The following RAMP3 variants were observed in gnomAD, a reference collection of about 807,000 sequenced individuals.
RAMP3 encodes the protein receptor activity modifying protein 3, also known as receptor activity-modifying protein 3.
RAMP3 carries 14 observed loss-of-function variants against 13.5 expected under a neutral mutation model. That is an observed-to-expected ratio of 1.04 (90% CI 0.69 to 1.63). The LOEUF (loss-of-function observed/expected upper bound fraction) is 1.63, where lower values mean the gene tolerates loss of function less well. Ranked by LOEUF, RAMP3 falls within the 40% of genes most tolerant of loss-of-function variation. RAMP3 has a pLI of 0.00. For missense variants in RAMP3, 200 were observed against 204.8 expected (o/e 0.98, Z 0.14); for synonymous variants, 106 against 88.3 (o/e 1.20, Z -1.12).
chr7:45,183,786 T>G lies in RAMP3; in HGVS notation c.*374T>G. 1 of 525,684 alleles carries G rather than the reference T, an allele frequency of 1.9e-6. No individual in the cohort carries two copies. Among genetic ancestry groups the G allele is most frequent in the Non-Finnish European group, 3.4e-6 (1 of 298,112 alleles). The allele number at this position is 525,684 out of a possible 1,614,324, so 32.6% of individuals were successfully genotyped here. ...GAATCCAGCCTAGCCTTAGCCGCAGTCTAGGCCCTGCTTGGACTAGGACTC... is the reference window on the plus strand; with the variant it reads ...GAATCCAGCCTAGCCTTAGCCGCAGGCTAGGCCCTGCTTGGACTAGGACTC... On this transcript the variant is annotated 3_prime_UTR_variant, in exon 3 of 3. Transcript: ENST00000242249.
At chr7:45,166,123 C>T (rs1296313358) in intron 1 of RAMP3, among the ~76,000 whole-genome samples, 1 of 151,890 alleles carries the variant, frequency 6.6e-6, no homozygotes, top group African/African-American at 2.4e-5. Context: ...ATTTTACATT[C>T]CAATCAGCAG....
At chr7:45,172,857 G>T (rs1402885530) in intron 1 of RAMP3, among the ~76,000 whole-genome samples, 1 of 152,132 alleles carries the variant, frequency 6.6e-6, no homozygotes, top group African/African-American at 2.4e-5. Context: ...TAAACTTGGG[G>T]TTTCCCTGGG....
At chr7:45,165,023 T>C (rs6957260) in intron 1 of RAMP3, among the ~76,000 whole-genome samples, 39,371 of 152,066 alleles carry the variant, frequency 0.26, 6,122 homozygotes, top group African/African-American at 0.43. Flanking sequence ...CTTTTCTCCT[T>C]TTCTGCCTTC....
At chr7:45,176,632 A>G (rs754811891) in intron 1 of RAMP3, among the ~76,000 whole-genome samples, 2 of 152,078 alleles carry the variant, frequency 1.3e-5, no homozygotes, top group Non-Finnish European at 2.9e-5. Context: ...GATGTTCCCC[A>G]TGGGGAAATG....
At chr7:45,162,496 G>T (rs776525423) in intron 1 of RAMP3, among the ~76,000 whole-genome samples, 12 of 152,182 alleles carry the variant, frequency 7.9e-5, no homozygotes, top group Non-Finnish European at 1.5e-4. Flanking sequence ...TGAGGCAATG[G>T]TGACATGCCA....
At chr7:45,179,967 A>G (rs1407954780) in intron 2 of RAMP3, among the ~76,000 whole-genome samples, 2 of 152,248 alleles carry the variant, frequency 1.3e-5, no homozygotes, top group African/African-American at 4.8e-5. Flanking sequence ...GGACTGTGGG[A>G]TGCAAGGACC....
At chr7:45,159,326 C>T (rs956066109) in intron 1 of RAMP3, among the ~76,000 whole-genome samples, 9 of 152,156 alleles carry the variant, frequency 5.9e-5, no homozygotes, top group African/African-American at 1.9e-4. Flanking sequence ...GGTCCCAGGC[C>T]GATGTGTCAG....
chr7:45,177,547 A>T (rs1786216801), intron 2 of RAMP3, 106 bp downstream of exon 2: 2 of 1,525,094 alleles, frequency 1.3e-6, no homozygotes, highest in African/African-American at 1.4e-5. Flanking sequence ...GGCCTCACCC[A>T]TGCCTCACCC....
chr7:45,157,854 C>T lies in RAMP3; in HGVS notation c.26C>T (p.Pro9Leu), dbSNP rs765190909. ...ATGGAGACTGGAGCGCTGCGGCGCC[C>T]GCAACTTCTCCCGTTGCTGCTGCTG... METGALRR[P>L]QLLPLLLLLC... The change falls in exon 1 of 3, where the codon CCG becomes CTG. Residue 9 changes from proline (P) to leucine (L), a missense_variant. Pro to Leu is a moderately conservative substitution (Grantham distance 98). Transcript: ENST00000242249. 139 of 1,420,524 alleles carry T rather than the reference C, an allele frequency of 9.8e-5. No homozygotes were observed. The highest frequency in any genetic ancestry group is 1.2e-4 in the Non-Finnish European group (134 of 1,095,844). 88.0% of individuals were successfully genotyped at this position (1,420,524 alleles called of 1,614,324 possible).
intron 1 of RAMP3, among the ~76,000 whole-genome samples, chr7:45,162,209 C>T (rs932026051): frequency 2.0e-5 from 3 of 152,180 alleles, no homozygotes; most frequent in African/African-American, 7.2e-5. Context: ...CCTCCATCGT[C>T]CCATCTCTAA....
chr7:45,157,965 G>C (rs745867328), intron 1 of RAMP3, 79 bp downstream of exon 1: 44 of 1,246,114 alleles, frequency 3.5e-5, no homozygotes, highest in Non-Finnish European at 4.1e-5. Context: ...GCGCCTTCCC[G>C]CACCTGCGCC....
Position 45,183,596 on chromosome 7 carries a change from C to A in RAMP3, c.*184C>A. On this transcript the variant is annotated 3_prime_UTR_variant, in exon 3 of 3. Transcript: ENST00000242249. ...AGGCCAGCCTGCTCCCTGGCTGAGG[C>A]TCAGGCTATCCGCCCAAGCTCTTTG... 1 of 797,206 alleles carries A rather than the reference C, an allele frequency of 1.3e-6. No homozygotes were observed. The highest frequency in any genetic ancestry group is 2.0e-6 in the Non-Finnish European group (1 of 508,248). The allele number at this position is 797,206 out of a possible 1,614,324, so 49.4% of individuals were successfully genotyped here.
Position 45,183,098 on chromosome 7 carries a change from C to T in RAMP3, c.192-59C>T, listed in dbSNP as rs1028366470. The T allele has an allele frequency of 1.1e-5, 17 of 1,591,890 alleles. No homozygotes were observed. The African/African-American group carries it at 2.1e-4, about 20-fold the overall frequency. ...CCCACCCATCTTCCTGGCCTCAGGT[C>T]AGGGCAGGTGTGAGGGGGGATGGCG... On this transcript the variant is annotated intron_variant, in intron 2 of 2. Transcript: ENST00000242249.
At chr7:45,163,609 C>A in intron 1 of RAMP3, 1 of 985,332 alleles carries the variant, frequency 1.0e-6, no homozygotes, top group African/African-American at 1.7e-5. Flanking sequence ...AGTTGGGGCC[C>A]GATGGAAGCT....
intron 1 of RAMP3, among the ~76,000 whole-genome samples, chr7:45,165,881 T>C (rs1584066543): frequency 1.3e-5 from 2 of 152,360 alleles, no homozygotes; most frequent in Non-Finnish European, 2.9e-5. Context: ...CACTCTTTTA[T>C]GTACAAATAA....
chr7:45,162,532 G>A (rs1001301761), intron 1 of RAMP3, among the ~76,000 whole-genome samples: 3 of 152,182 alleles, frequency 2.0e-5, no homozygotes, highest in Admixed American at 6.5e-5. Flanking sequence ...GTGGGCAGGT[G>A]GCCTGGCTTT....
intron 1 of RAMP3, among the ~76,000 whole-genome samples, chr7:45,160,318 G>A (rs747814747): frequency 2.3e-5 from 2 of 87,200 alleles, no homozygotes; most frequent in African/African-American, 8.5e-5. Context: ...GTGACAAAGC[G>A]AGACTCTGCC....
intron 1 of RAMP3, chr7:45,163,993 C>T: frequency 1.6e-6 from 1 of 616,270 alleles, no homozygotes; most frequent in Non-Finnish European, 2.0e-6. Flanking sequence ...AAACCCACTT[C>T]TGCCTTTCTA....
intron 1 of RAMP3, among the ~76,000 whole-genome samples, chr7:45,174,614 C>T (rs1584073722): frequency 6.6e-6 from 1 of 152,168 alleles, no homozygotes; most frequent in Non-Finnish European, 1.5e-5. Flanking sequence ...CTGGTCATGT[C>T]CCCTTCCCGC....
Sources: gnomAD v4.1 joint callset for allele counts (sites outside exome capture counted in the v4.1 genomes callset) on GRCh38, gnomAD v4.1.1 for gene constraint, MANE v1.5 for transcripts, NCBI Gene and HGNC (gene_info 2026-07-23, HGNC 2026-07-21) for gene names.